The following DOCK2 variants were observed in gnomAD, a reference collection of about 807,000 sequenced individuals.
DOCK2 encodes the protein dedicator of cytokinesis 2, also known as dedicator of cytokinesis protein 2.
Under a neutral mutation model 248.9 loss-of-function variants are expected in DOCK2, and 87 were observed. The observed-to-expected ratio is 0.35, with a 90% confidence interval of 0.29 to 0.42. The LOEUF is 0.42. DOCK2 is among the 10% of genes least tolerant of loss of function. The pLI is 1.00. For synonymous variants in DOCK2, 805 were observed against 821.6 expected (o/e 0.98, Z 0.35); for missense variants, 1,747 against 2,300.2 (o/e 0.76, Z 4.92).
intron 26 of DOCK2, among the ~76,000 whole-genome samples, chr5:169,810,073 C>T (rs1767643221): frequency 6.6e-6 from 1 of 152,144 alleles, no homozygotes. Context: ...CCCGCCCACC[C>T]CAGCACAATG....
chr5:169,944,874 G>T (rs1199679949), intron 27 of DOCK2, among the ~76,000 whole-genome samples: 2 of 152,196 alleles, frequency 1.3e-5, no homozygotes, highest in African/African-American at 2.4e-5. Flanking sequence ...TGCTCAGAAT[G>T]CTTCATTTTC....
rs151258444 is a variant in DOCK2, at chr5:170,029,653, C to T, written c.3467+1705C>T. Among the ~76,000 whole-genome samples the T allele has an allele frequency of 1.2e-4, 19 of 152,304 alleles. No individual in the cohort carries two copies. In the East Asian group the frequency reaches 2.1e-3, roughly 17 times the overall value. On this transcript the variant is annotated intron_variant, in intron 34 of 51. Coordinates refer to ENST00000520908, the MANE Select transcript of DOCK2 (RefSeq NM_004946.3). ...CAGCTTGGTAATTGCCCCCTTCTCC[C>T]GCGAGGCCTTCTCCTAAGGCTTAGG...
intron 48 of DOCK2, among the ~76,000 whole-genome samples, chr5:170,078,616 T>C (rs1581580015): frequency 6.6e-6 from 1 of 151,934 alleles, no homozygotes; most frequent in African/African-American, 2.4e-5. Flanking sequence ...CTTGAAGAGG[T>C]TGAGTGATTT....
At chr5:169,883,067 A>C (rs1258982844) in intron 27 of DOCK2, 4 of 1,551,632 alleles carry the variant, frequency 2.6e-6, no homozygotes. Flanking sequence ...GGCAAAAGCA[A>C]TTCAGGTTTA....
chr5:170,035,882 T>C (rs1400539549), intron 35 of DOCK2, among the ~76,000 whole-genome samples: 1 of 152,116 alleles, frequency 6.6e-6, no homozygotes, highest in Non-Finnish European at 1.5e-5. Context: ...ACCACCTGGC[T>C]CAGAATCTGT....
In DOCK2 at chr5:170,065,953, G is replaced by GTTTTTT. The variant is rs34658795; in HGVS notation, c.4468-1546_4468-1541dup. ...AATATATTCCATGCAAATGAAAACT[G>GTTTTTT]TTTTTTTTTTTTTTTTGAGACAGAG... is the stretch of plus-strand genomic sequence containing the variant. On this transcript the variant is annotated intron_variant, in intron 44 of 51. Coordinates refer to ENST00000520908, the MANE Select transcript of DOCK2 (RefSeq NM_004946.3). 5.5e-4 allele frequency among the ~76,000 whole-genome samples: 74 copies of GTTTTTT among 133,386 alleles called. 3 individuals are homozygous for GTTTTTT. Among genetic ancestry groups the GTTTTTT allele is most frequent in the African/African-American group, 1.7e-3 (60 of 35,012 alleles). The allele number at this position is 133,386 out of a possible 152,430, so 87.5% of individuals were successfully genotyped here.
At chr5:170,066,306 A>C (rs145231697) in intron 44 of DOCK2, among the ~76,000 whole-genome samples, 60 of 152,346 alleles carry the variant, frequency 3.9e-4, no homozygotes, top group African/African-American at 1.4e-3. Flanking sequence ...ACAAAACAAA[A>C]GACAAGGTCA....
chr5:169,903,037 G>A (rs1306636046), intron 27 of DOCK2, among the ~76,000 whole-genome samples: 1 of 151,992 alleles, frequency 6.6e-6, no homozygotes, highest in Non-Finnish European at 1.5e-5. Flanking sequence ...GGTGGAGGTT[G>A]CAGTGAGCTG....
At chr5:169,684,144 G>A in intron 7 of DOCK2, 52 bp from the exon 8 acceptor site, 2 of 1,574,028 alleles carry the variant, frequency 1.3e-6, no homozygotes, top group Non-Finnish European at 1.7e-6. Context: ...TGCTCTAAGT[G>A]GTGCTAGGCT....
At chr5:169,703,517 C>T (rs60836770) in intron 14 of DOCK2, among the ~76,000 whole-genome samples, 8 of 152,076 alleles carry the variant, frequency 5.3e-5, no homozygotes, top group African/African-American at 9.7e-5. Context: ...CTACAATGCC[C>T]GTACATGTAG....
intron 27 of DOCK2, among the ~76,000 whole-genome samples, chr5:169,842,639 A>G (rs538316199): frequency 6.6e-6 from 1 of 152,316 alleles, no homozygotes; most frequent in East Asian, 1.9e-4. Context: ...CCTTCTCTTT[A>G]GAGTAAACCT....
At chr5:169,670,479 T>C in intron 3 of DOCK2, 63 bp from the exon 4 acceptor site, 1 of 1,577,546 alleles carries the variant, frequency 6.3e-7, no homozygotes, top group Non-Finnish European at 8.6e-7. Context: ...CGTAGGGTCA[T>C]TCATTTCTGT....
At chr5:169,693,083 G>T (rs751173229) in intron 9 of DOCK2, among the ~76,000 whole-genome samples, 1 of 152,060 alleles carries the variant, frequency 6.6e-6, no homozygotes, top group Non-Finnish European at 1.5e-5. Flanking sequence ...GGCCTCTGTC[G>T]CTCTGAAAGG....
intron 27 of DOCK2, among the ~76,000 whole-genome samples, chr5:169,911,156 C>T (rs1014438630): frequency 3.9e-5 from 6 of 152,084 alleles, no homozygotes; most frequent in Non-Finnish European, 8.8e-5. Flanking sequence ...TTATTTTTCA[C>T]TGACAAAATG....
At chr5:169,708,329 T>A in intron 15 of DOCK2, 62 bp downstream of exon 15, 1 of 1,454,788 alleles carries the variant, frequency 6.9e-7, no homozygotes. Flanking sequence ...GGCACTGTTT[T>A]AAGTGCTTTA....
At chr5:169,895,629 C>T (rs1403185898) in intron 27 of DOCK2, among the ~76,000 whole-genome samples, 3 of 152,256 alleles carry the variant, frequency 2.0e-5, no homozygotes, top group African/African-American at 4.8e-5. Flanking sequence ...CTTCCCTCCA[C>T]GTTACCTATT....
At chr5:169,693,661 TG>T (rs1406732849) in intron 9 of DOCK2, among the ~76,000 whole-genome samples, 1 of 151,620 alleles carries the variant, frequency 6.6e-6, no homozygotes, top group South Asian at 2.1e-4. Context: ...GATGATGGGG[TG>T]GGGGGTCTTT....
intron 27 of DOCK2, among the ~76,000 whole-genome samples, chr5:169,926,483 T>C (rs1775464786): frequency 6.6e-6 from 1 of 152,124 alleles, no homozygotes; most frequent in Admixed American, 6.5e-5. Context: ...TGAGCTCAGG[T>C]GGCCATGTTC....
chr5:170,066,454 T>C (rs1757498736), intron 44 of DOCK2, among the ~76,000 whole-genome samples: 1 of 152,166 alleles, frequency 6.6e-6, no homozygotes, highest in African/African-American at 2.4e-5. Context: ...GTAGGGTATT[T>C]CAATACCTAA....
Sources: allele counts gnomAD v4.1 joint callset (sites outside exome capture counted in the v4.1 genomes callset), GRCh38; gene constraint gnomAD v4.1.1; transcripts MANE v1.5; gene names NCBI Gene and HGNC (gene_info 2026-07-23, HGNC 2026-07-21).